COLGALT1: variants seen among roughly 807,000 people sequenced by gnomAD.
COLGALT1 encodes procollagen galactosyltransferase 1.
In COLGALT1, 43 loss-of-function variants were observed where a neutral mutation model predicts 60.8. The observed-to-expected ratio is 0.71, with a 90% CI of 0.55 to 0.91. The LOEUF (loss-of-function observed/expected upper bound fraction) is 0.91. Among genes scored for constraint, COLGALT1 ranks in the 40% least tolerant of loss-of-function variants. COLGALT1 has a pLI of 0.00. For synonymous variants in COLGALT1, 369 were observed against 374.2 expected (o/e 0.99, Z 0.16); for missense variants, 845 against 880.0 (o/e 0.96, Z 0.50).
chr19:17,560,416 G>C lies in COLGALT1; in HGVS notation c.440G>C (p.Arg147Pro). The change falls in exon 3 of 12, where the codon CGC becomes CCC. Residue 147 changes from arginine (R) to proline (P), a missense_variant. Coordinates refer to ENST00000252599, the MANE Select transcript of COLGALT1 (RefSeq NM_024656.4). Reference sequence around the variant, plus strand: ...CGCTACGAGCATGTCATGAAGTTGCGCCAGGCAGCCCTGAAATCAGCTCGA... The same window carrying C: ...CGCTACGAGCATGTCATGAAGTTGCCCCAGGCAGCCCTGAAATCAGCTCGA... Reference protein sequence around the residue: ...DSRYEHVMKLRQAALKSARDM... With the variant: ...DSRYEHVMKLPQAALKSARDM... 1 of 1,614,138 alleles carries C rather than the reference G, an allele frequency of 6.2e-7. No individual in the cohort carries two copies. Among genetic ancestry groups the C allele is most frequent in the Non-Finnish European group, 8.5e-7 (1 of 1,180,034 alleles).
rs2076366299 is a variant in COLGALT1, at chr19:17,579,590, G to A, written c.1375G>A (p.Gly459Ser). 6.2e-7 allele frequency: 1 copy of A among 1,613,440 alleles called. No individual in the cohort carries two copies. ...CCTCATGCGGGATGTGGAGCGGGAG[G>A]GCCTGGACTGGGACCTCATGTGAGT... ...MNLMRDVERE[G>S]LDWDLIYVGR... Residue 459 changes from glycine (G) to serine (S), a missense_variant, in exon 10 of 12, where the codon GGC becomes AGC. Coordinates refer to ENST00000252599, the MANE Select transcript of COLGALT1 (RefSeq NM_024656.4).
chr19:17,567,485 C>A lies in COLGALT1; in HGVS notation c.569C>A (p.Pro190His), dbSNP rs773961516. Residue 190 changes from proline to histidine, a missense_variant, in exon 4 of 12, where the codon CCC becomes CAC. Pro to His is a moderately conservative substitution (Grantham distance 77). Coordinates refer to ENST00000252599, the MANE Select transcript of COLGALT1 (RefSeq NM_024656.4). The stretch of plus-strand genomic sequence containing the variant: ...GCTGAGAACAAGACGGTGGTCGCCC[C>A]CATGCTGGATTCCCGGGCTGCGTAC... ...LIAENKTVVA[P>H]MLDSRAAYSN... 1 of 1,613,988 alleles carries A rather than the reference C, an allele frequency of 6.2e-7. No individual in the cohort carries two copies. Among genetic ancestry groups the A allele is most frequent in the Non-Finnish European group, 8.5e-7 (1 of 1,179,968 alleles).
chr19:17,580,075 T>G (rs1377909359), intron 10 of COLGALT1: 1 of 183,614 alleles, frequency 5.4e-6, no homozygotes, highest in African/African-American at 2.3e-5. Flanking sequence ...TGGCTAAAAT[T>G]TGACCGGGCA....
chr19:17,566,483 T>C (rs2076280583), intron 3 of COLGALT1, among the ~76,000 whole-genome samples: 1 of 152,088 alleles, frequency 6.6e-6, no homozygotes, highest in South Asian at 2.1e-4. Flanking sequence ...TGTGATTTTA[T>C]ATATATATAT....
chr19:17,577,198 A>C lies in COLGALT1; in HGVS notation c.953A>C (p.Lys318Thr), dbSNP rs977372621. 23 of 1,612,680 alleles carry C rather than the reference A, an allele frequency of 1.4e-5. No individual in the cohort carries two copies. The highest frequency in any genetic ancestry group is 1.9e-5 in the Non-Finnish European group (22 of 1,179,518). The change falls in exon 7 of 12, where the codon AAG becomes ACG. Residue 318 changes from lysine (K) to threonine (T), a missense_variant. Coordinates refer to ENST00000252599, the MANE Select transcript of COLGALT1 (RefSeq NM_024656.4). ...CCTCAACGTCTGTGCCCCACAGTGA[A>C]GCACCCGCCCGCAGAGCCCTCCCGC... is the stretch of plus-strand genomic sequence containing the variant. ...FMHVQLEVMV[K>T]HPPAEPSRFI... is the part of the protein sequence containing the mutation.
In COLGALT1 at chr19:17,555,831, G is replaced by T; in HGVS notation, c.118G>T (p.Glu40Ter). 1.5e-6 allele frequency: 2 copies of T among 1,313,272 alleles called. No individual in the cohort carries two copies. The highest frequency in any genetic ancestry group is 1.9e-6 in the Non-Finnish European group (2 of 1,028,714). 81.4% of individuals were successfully genotyped at this position (1,313,272 alleles called of 1,614,324 possible). A position where few individuals can be genotyped will look rare whatever the true frequency, so the allele number is the denominator to read the frequency against. Reference protein sequence around the residue: ...APPGADAYFPEERWSPESPLQ... With the variant: ...APPGADAYFP ...GCCGGGCGCCGACGCCTACTTCCCC[G>T]AGGAGCGCTGGAGCCCGGAGTCGCC... The change falls in exon 1 of 12, where the codon GAG (glutamate) becomes TAG (stop). Residue 40 changes from glutamate (E) to a stop codon, truncating the protein, a stop_gained. Transcript: ENST00000252599. LOFTEE classifies it high-confidence loss of function.
chr19:17,570,081 G>A (rs2076303526), intron 5 of COLGALT1, among the ~76,000 whole-genome samples: 1 of 151,464 alleles, frequency 6.6e-6, no homozygotes, highest in African/African-American at 2.4e-5. Flanking sequence ...TTTTAGTAGA[G>A]ACGGGGTTTC....
intron 4 of COLGALT1, 52 bp downstream of exon 4, chr19:17,567,592 G>A (rs768146882): frequency 1.1e-5 from 18 of 1,574,026 alleles, no homozygotes; most frequent in Admixed American, 5.6e-5. Flanking sequence ...GGGGGGTGCC[G>A]TGGCTAGAGT....
intron 5 of COLGALT1, among the ~76,000 whole-genome samples, chr19:17,569,346 AAAT>A (rs970454818): frequency 1.2e-4 from 19 of 152,328 alleles, no homozygotes; most frequent in African/African-American, 3.8e-4. Flanking sequence ...ATCCATCCCC[AAAT>A]AATATACATT....
At chr19:17,567,260 C>T (rs907320301) in intron 3 of COLGALT1, 146 bp from the exon 4 acceptor site, 17 of 1,030,006 alleles carry the variant, frequency 1.7e-5, no homozygotes, top group South Asian at 1.1e-4. Flanking sequence ...GCCCCCAAAA[C>T]GGGGTCCCTG....
intron 5 of COLGALT1, among the ~76,000 whole-genome samples, chr19:17,571,688 A>C (rs1053450019): frequency 6.6e-6 from 1 of 152,138 alleles, no homozygotes; most frequent in Admixed American, 6.5e-5. Context: ...ACTGAACTCC[A>C]GCCTGGGCGA....
intron 2 of COLGALT1, 102 bp from the exon 3 acceptor site, chr19:17,560,246 C>G (rs2076240253): frequency 2.4e-6 from 2 of 819,614 alleles, no homozygotes; most frequent in South Asian, 2.9e-5. Context: ...TACACGTCCC[C>G]TCCTCCAGGA....
intron 6 of COLGALT1, among the ~76,000 whole-genome samples, chr19:17,573,455 GGAGGCGGAGGTTGCAGT>G (rs1314944622): frequency 6.6e-6 from 1 of 152,172 alleles, no homozygotes; most frequent in Non-Finnish European, 1.5e-5. Flanking sequence ...CTTGAACCTG[GGAGGCGGAGGTTGCAGT>G]GAGCCGAGAT....
At chr19:17,577,068 C>T in intron 6 of COLGALT1, 127 bp from the exon 7 acceptor site, 4 of 835,876 alleles carry the variant, frequency 4.8e-6, no homozygotes, top group Non-Finnish European at 5.7e-6. Flanking sequence ...CTGATGTGGG[C>T]GGAGCCAGGT....
chr19:17,560,344 A>C lies in COLGALT1; in HGVS notation c.372-4A>C, dbSNP rs2076240893. ...ATGTCCACATCACAGCTGCCTCCCC[A>C]TAGGTCCTACCCGGACGAGGAAGGC... is the stretch of plus-strand genomic sequence containing the variant. On this transcript the variant is annotated splice_polypyrimidine_tract_variant and splice_region_variant and intron_variant, in intron 2 of 11. Coordinates refer to ENST00000252599, the MANE Select transcript of COLGALT1 (RefSeq NM_024656.4). The C allele has an allele frequency of 1.9e-6, 3 of 1,612,984 alleles. No individual in the cohort carries two copies. The highest frequency in any genetic ancestry group is 1.7e-6 in the Non-Finnish European group (2 of 1,179,286).
At position 17,555,698 on chromosome 19, in the gene COLGALT1, G is replaced by GGA; in HGVS notation, c.-13_-12dup. 8.4e-7 allele frequency: 1 copy of GGA among 1,183,984 alleles called. No individual in the cohort carries two copies. Among genetic ancestry groups the GGA allele is most frequent in the Non-Finnish European group, 1.0e-6 (1 of 958,056 alleles). 73.3% of individuals were successfully genotyped at this position (1,183,984 alleles called of 1,614,324 possible). A position where few individuals can be genotyped will look rare whatever the true frequency, so the allele number is the denominator to read the frequency against. On this transcript the variant is annotated 5_prime_UTR_variant, in exon 1 of 12. Transcript: ENST00000252599. ...TCCTCCCGCAGAAAAACGACTTAAA[G>GGA]GAGACGCGTGGCGCGATGGCGGCGG...
intron 4 of COLGALT1, 112 bp downstream of exon 4, chr19:17,567,652 A>C: frequency 1.6e-6 from 2 of 1,283,854 alleles, no homozygotes; most frequent in Non-Finnish European, 1.1e-6. Flanking sequence ...AAAAATCATC[A>C]TGGAAGCTGG....
At position 17,581,354 on chromosome 19, in the gene COLGALT1, G is replaced by C. The variant is rs756570607; in HGVS notation, c.1779G>C (p.Lys593Asn). 2 of 1,613,492 alleles carry C rather than the reference G, an allele frequency of 1.2e-6. No individual in the cohort carries two copies. Among genetic ancestry groups the C allele is most frequent in the Non-Finnish European group, 1.7e-6 (2 of 1,179,998 alleles). ...ACTGGGACCGCGCCAAGTCCCAGAA[G>C]ATGCGGGAGCAGCAGGCACTGAGCC... is the stretch of plus-strand genomic sequence containing the variant. ...KTDWDRAKSQ[K>N]MREQQALSRE... is the part of the protein sequence containing the mutation. Residue 593 changes from lysine (K) to asparagine (N), a missense_variant, in exon 12 of 12, where the codon AAG (lysine) becomes AAC (asparagine). Lys to Asn is a moderately conservative substitution (Grantham distance 94, BLOSUM62 0). Coordinates refer to ENST00000252599, the MANE Select transcript of COLGALT1 (RefSeq NM_024656.4).
At chr19:17,577,132 G>T (rs2076347848) in intron 6 of COLGALT1, 63 bp from the exon 7 acceptor site, 1 of 1,530,894 alleles carries the variant, frequency 6.5e-7, no homozygotes, top group African/African-American at 1.4e-5. Flanking sequence ...GGTGGGGAAA[G>T]CGTGTTGGAG....
Sources: gnomAD v4.1 joint callset for allele counts (sites outside exome capture counted in the v4.1 genomes callset) on GRCh38, gnomAD v4.1.1 for gene constraint, MANE v1.5 for transcripts, NCBI Gene and HGNC (gene_info 2026-07-23, HGNC 2026-07-21) for gene names.